TENM2: variants seen among roughly 807,000 people sequenced by gnomAD.
TENM2 encodes teneurin-2.
A neutral mutation model predicts 245.2 loss-of-function variants in TENM2; 52 were observed. The observed-to-expected ratio is 0.21, with a 90% CI of 0.17 to 0.27. The LOEUF (loss-of-function observed/expected upper bound fraction) is 0.27, where lower values mean the gene tolerates loss of function less well. Among genes scored for constraint, TENM2 ranks in the 10% least tolerant of loss-of-function variants. TENM2 has a pLI of 1.00. For missense variants in TENM2, 3,046 were observed against 3,666.8 expected (o/e 0.83, Z 4.37); for synonymous variants, 1,363 against 1,438.9 (o/e 0.95, Z 1.19).
chr5:168,076,493 G>A (rs983965868), intron 7 of TENM2, among the ~76,000 whole-genome samples: 1 of 151,896 alleles, frequency 6.6e-6, no homozygotes, highest in Non-Finnish European at 1.5e-5. Flanking sequence ...CAAAGTGCTG[G>A]GATTACCGGC....
intron 7 of TENM2, among the ~76,000 whole-genome samples, chr5:168,089,899 A>G (rs1171569310): frequency 6.6e-6 from 1 of 152,190 alleles, no homozygotes; most frequent in Non-Finnish European, 1.5e-5. Context: ...ACCCCATAAC[A>G]TAGATACTCT....
At chr5:167,056,601 A>G in the TENM2 span, among the ~76,000 whole-genome samples, 32 of 146,448 alleles carry the variant, frequency 2.2e-4, no homozygotes, top group Non-Finnish European at 4.4e-4. Flanking sequence ...ATATAAATAT[A>G]TATCTATATA....
rs562705434 is a variant in TENM2, at chr5:167,930,381, A to G, written c.713-22207A>G. On this transcript the variant is annotated intron_variant, in intron 3 of 28. Coordinates refer to ENST00000518659, the Ensembl canonical transcript of TENM2. ...GAAGAATCAATGAAGAATCGTTTTT[A>G]AAAAGGCATTTTTAGTGTCTGTTAA... Among the ~76,000 whole-genome samples, 26 of 152,300 alleles carry G rather than the reference A, an allele frequency of 1.7e-4. No individual in the cohort carries two copies. In the South Asian group the frequency reaches 5.0e-3, roughly 29 times the overall value.
intron 2 of TENM2, among the ~76,000 whole-genome samples, chr5:167,696,894 C>T (rs1757802592): frequency 6.6e-6 from 1 of 152,176 alleles, no homozygotes; most frequent in Admixed American, 6.5e-5. Flanking sequence ...GTGAATCAAC[C>T]AGTTAACAGT....
At chr5:167,534,749 G>C (rs1379221025) in intron 2 of TENM2, among the ~76,000 whole-genome samples, 2 of 152,142 alleles carry the variant, frequency 1.3e-5, no homozygotes, top group African/African-American at 4.8e-5. Flanking sequence ...ATGGCGTAGG[G>C]ATAACACGGT....
chr5:167,470,656 G>A (rs755159253), intron 2 of TENM2, among the ~76,000 whole-genome samples: 7 of 151,794 alleles, frequency 4.6e-5, no homozygotes, highest in Non-Finnish European at 1.0e-4. Flanking sequence ...GGTGGAACTT[G>A]AAGAAGTTCC....
the TENM2 span, among the ~76,000 whole-genome samples, chr5:167,043,789 C>A: frequency 6.6e-6 from 1 of 152,034 alleles, no homozygotes; most frequent in Non-Finnish European, 1.5e-5. Flanking sequence ...AGGCGTGATC[C>A]GAGGTGGGCG....
rs71591182 is a variant in TENM2 at position 167,445,332 on chromosome 5, T to TAGAGAGAGAGAGAGAG, written c.502+69860_502+69861insGAGAGAGAGAGAGAGA. Among the ~76,000 whole-genome samples the TAGAGAGAGAGAGAGAG allele has an allele frequency of 1.5e-3, 114 of 76,956 alleles. 1 individual carries two copies. Among genetic ancestry groups the TAGAGAGAGAGAGAGAG allele is most frequent in the Non-Finnish European group, 2.3e-3 (93 of 40,530 alleles). 50.5% of individuals were successfully genotyped at this position (76,956 alleles called of 152,430 possible). On this transcript the variant is annotated intron_variant, in intron 2 of 28. Transcript: ENST00000518659. ...ATGATTATATATATATATATATATA[T>TAGAGAGAGAGAGAGAG]ATATAGAGAGAGAGAGAGAGAGAGA...
intron 2 of TENM2, among the ~76,000 whole-genome samples, chr5:167,429,157 A>C (rs888288246): frequency 1.3e-5 from 2 of 152,184 alleles, no homozygotes; most frequent in African/African-American, 2.4e-5. Flanking sequence ...TTTTCTCTTC[A>C]AAATCAATGC....
intron 2 of TENM2, among the ~76,000 whole-genome samples, chr5:167,551,149 T>C (rs1199803970): frequency 6.6e-6 from 1 of 152,246 alleles, no homozygotes; most frequent in Non-Finnish European, 1.5e-5. Context: ...CCTTGAGCCA[T>C]CCATGAAGTA....
the TENM2 span, among the ~76,000 whole-genome samples, chr5:167,128,492 A>G: frequency 1.3e-5 from 2 of 150,172 alleles, no homozygotes; most frequent in Non-Finnish European, 3.0e-5. Flanking sequence ...CACAGGTGAT[A>G]TGGATGCTGC....
intron 2 of TENM2, among the ~76,000 whole-genome samples, chr5:167,869,162 G>A (rs1772591655): frequency 6.6e-6 from 1 of 152,172 alleles, no homozygotes; most frequent in Non-Finnish European, 1.5e-5. Context: ...CAAAGTTGGG[G>A]ATGAATTACA....
intron 5 of TENM2, among the ~76,000 whole-genome samples, chr5:168,003,060 G>A (rs1784527999): frequency 6.6e-6 from 1 of 152,120 alleles, no homozygotes; most frequent in Non-Finnish European, 1.5e-5. Context: ...GCAATAGAAG[G>A]CATCTGAGTT....
At chr5:167,822,543 A>G (rs1767618434) in intron 2 of TENM2, among the ~76,000 whole-genome samples, 1 of 152,250 alleles carries the variant, frequency 6.6e-6, no homozygotes, top group African/African-American at 2.4e-5. Context: ...TTAATGAAAC[A>G]TTAGAGCACT....
chr5:167,323,029 C>T (rs1026874053), intron 1 of TENM2, among the ~76,000 whole-genome samples: 1 of 152,196 alleles, frequency 6.6e-6, no homozygotes, highest in African/African-American at 2.4e-5. Context: ...GGCATTCTGG[C>T]CAACTGGCCC....
At chr5:167,414,864 TG>T (rs913964243) in intron 2 of TENM2, among the ~76,000 whole-genome samples, 2 of 152,110 alleles carry the variant, frequency 1.3e-5, no homozygotes, top group African/African-American at 4.8e-5. Flanking sequence ...TTTCTGTTGG[TG>T]GAAAAAATAA....
At chr5:167,637,556 A>G (rs1337723752) in intron 2 of TENM2, among the ~76,000 whole-genome samples, 1 of 152,246 alleles carries the variant, frequency 6.6e-6, no homozygotes, top group Admixed American at 6.5e-5. Flanking sequence ...AATAGCAAAG[A>G]CTTGGAACCA....
chr5:167,432,605 A>G (rs1009870487), intron 2 of TENM2, among the ~76,000 whole-genome samples: 11 of 150,292 alleles, frequency 7.3e-5, no homozygotes, highest in Admixed American at 5.9e-4. Flanking sequence ...TATTTCTCAG[A>G]TGACCAATAT....
chr5:167,445,140 A>G (rs908637153), intron 2 of TENM2, among the ~76,000 whole-genome samples: 2 of 151,988 alleles, frequency 1.3e-5, no homozygotes, highest in Non-Finnish European at 2.9e-5. Context: ...GTAGTATCCA[A>G]AAGCATCTTT....
Sources: gnomAD v4.1 joint callset for allele counts (sites outside exome capture counted in the v4.1 genomes callset) on GRCh38, gnomAD v4.1.1 for gene constraint, MANE v1.5 for transcripts, NCBI Gene and HGNC (gene_info 2026-07-23, HGNC 2026-07-21) for gene names.